NTRK3: variants seen among roughly 807,000 people sequenced by gnomAD.
NTRK3 encodes neurotrophic receptor tyrosine kinase 3.
In NTRK3, 24 loss-of-function variants were observed where a neutral mutation model predicts 91.7. That is an observed-to-expected ratio of 0.26 (90% CI 0.19 to 0.37). NTRK3 has a LOEUF of 0.37. Among genes scored for constraint, NTRK3 ranks in the 10% least tolerant of loss-of-function variants. NTRK3 has a pLI of 1.00. For missense variants in NTRK3, 880 were observed against 1,068.9 expected (o/e 0.82, Z 2.46); for synonymous variants, 483 against 404.0 (o/e 1.20, Z -2.34).
chr15:88,144,677 C>T (rs542592712), intron 6 of NTRK3, among the ~76,000 whole-genome samples: 2 of 152,084 alleles, frequency 1.3e-5, no homozygotes, highest in Admixed American at 6.5e-5. Flanking sequence ...TTAACTTAGC[C>T]GAGCCTCAAA....
intron 14 of NTRK3, among the ~76,000 whole-genome samples, chr15:87,983,987 G>A (rs1567184761): frequency 2.0e-5 from 3 of 152,224 alleles, no homozygotes; most frequent in African/African-American, 4.8e-5. Context: ...CACTTCGCAT[G>A]CACTGGGACC....
exon 1 of NTRK3, chr15:88,256,713 C>T (rs2054087659): frequency 2.7e-6 from 1 of 368,962 alleles, no homozygotes; most frequent in Non-Finnish European, 4.8e-6. Flanking sequence ...AATGGCTCGC[C>T]GCGCGGCTGC....
chr15:88,053,504 T>G (rs34443447), intron 13 of NTRK3, among the ~76,000 whole-genome samples: 58,693 of 151,990 alleles, frequency 0.39, 11,730 homozygotes, highest in African/African-American at 0.49. Flanking sequence ...ACAAGAGCAA[T>G]CTGACCATGG....
chr15:88,184,225 A>C, exon 4 of NTRK3: 2 of 1,614,096 alleles, frequency 1.2e-6, no homozygotes, highest in Non-Finnish European at 1.7e-6. Flanking sequence ...GTGTACTCAC[A>C]GCTTTTGAAG....
intron 14 of NTRK3, among the ~76,000 whole-genome samples, chr15:87,998,152 G>A (rs553759186): frequency 6.6e-5 from 10 of 152,244 alleles, no homozygotes; most frequent in Admixed American, 1.3e-4. Context: ...ACCCCATTGT[G>A]ATCATCGAAA....
At chr15:88,137,497 G>C (rs2041990405) in exon 7 of NTRK3, 1 of 1,614,164 alleles carries the variant, frequency 6.2e-7, no homozygotes, top group Non-Finnish European at 8.5e-7. Context: ...GCCTCCCCCT[G>C]CTCCTGCCAG....
chr15:88,032,688 T>G (rs1449854003), intron 14 of NTRK3, among the ~76,000 whole-genome samples, 169 bp downstream of exon 14: 1 of 152,120 alleles, frequency 6.6e-6, no homozygotes, highest in Admixed American at 6.5e-5. Flanking sequence ...CGGGGACTCC[T>G]GGCTCAGGCT....
At chr15:88,013,168 A>C (rs2077000889) in intron 14 of NTRK3, among the ~76,000 whole-genome samples, 1 of 139,764 alleles carries the variant, frequency 7.2e-6, no homozygotes, top group Admixed American at 7.2e-5. Flanking sequence ...GAAACCGTGC[A>C]CTGGTAAAGA....
rs370691172 is a variant in NTRK3 at position 88,240,938 on chromosome 15, T to C, written c.248+14968A>G. 2.4e-4 allele frequency among the ~76,000 whole-genome samples: 37 copies of C among 152,338 alleles called. No individual in the cohort carries two copies. The East Asian group carries it at 3.3e-3, about 14-fold the overall frequency. On this transcript the variant is annotated intron_variant, in intron 3 of 18. Coordinates refer to ENST00000394480, the Ensembl canonical transcript of NTRK3. The surrounding 1 kb of genome is among the most constrained non-coding windows in gnomAD (Gnocchi z 4.9). ...GCCCAGCATTCTGCATGGAGGCATG[T>C]GTGCCCTCAGCAAGCTGGGAGGGTT...
intron 5 of NTRK3, among the ~76,000 whole-genome samples, chr15:88,176,267 G>T (rs2045987167): frequency 6.6e-6 from 1 of 151,058 alleles, no homozygotes; most frequent in Non-Finnish European, 1.5e-5. Flanking sequence ...CTCCTGAGTA[G>T]TTGGGACTAC....
chr15:88,104,157 G>C lies in NTRK3; in HGVS notation c.1396+22114C>G, dbSNP rs534428948. On this transcript the variant is annotated intron_variant, in intron 13 of 18. Transcript: ENST00000394480. ...TACTACAAATAACACTAAGTTACTG[G>C]TTTCAATATGACAAGGTGGATGAGA... Among the ~76,000 whole-genome samples the C allele has an allele frequency of 5.3e-5, 8 of 152,304 alleles. No individual in the cohort carries two copies. The South Asian group carries it at 1.7e-3, about 32-fold the overall frequency.
intron 5 of NTRK3, among the ~76,000 whole-genome samples, chr15:88,166,465 G>A (rs1433222465): frequency 2.6e-5 from 4 of 152,174 alleles, no homozygotes; most frequent in East Asian, 1.9e-4. Flanking sequence ...AAGGTGAGCC[G>A]GGGACTAGGG....
exon 19 of NTRK3, chr15:87,860,358 G>A (rs566104694): frequency 1.3e-4 from 29 of 218,856 alleles, no homozygotes; most frequent in African/African-American, 5.8e-4. Flanking sequence ...TTCTTTTGAG[G>A]TTGGGGAGAA....
At chr15:87,930,309 T>C (rs1271665945) in intron 16 of NTRK3, among the ~76,000 whole-genome samples, 1 of 152,152 alleles carries the variant, frequency 6.6e-6, no homozygotes, top group East Asian at 1.9e-4. Flanking sequence ...CACTCTTTTC[T>C]CTAGAAAGCC....
rs201324498 is a variant in NTRK3, at chr15:88,156,562, TCTC to T, written c.396-9162_396-9160del. Among the ~76,000 whole-genome samples the T allele has an allele frequency of 2.8e-3, 426 of 152,074 alleles. 3 individuals are homozygous for T. In the Middle Eastern group the frequency reaches 0.034, roughly 12 times the overall value. On this transcript the variant is annotated intron_variant, in intron 5 of 18. Transcript: ENST00000394480. ...CCCTTAGAGCTAGCTCCCTGGCACT[TCTC>T]CTGCTCCACACCACCGCACCTTTCA...
chr15:87,908,466 C>T (rs1216685918), intron 17 of NTRK3: 1 of 400,020 alleles, frequency 2.5e-6, no homozygotes, highest in East Asian at 3.6e-5. Flanking sequence ...CCCCCTGGCC[C>T]CAGAAATCAA....
chr15:87,953,767 G>A (rs528191100), intron 14 of NTRK3, among the ~76,000 whole-genome samples: 9 of 152,132 alleles, frequency 5.9e-5, no homozygotes, highest in Non-Finnish European at 8.8e-5. Context: ...TCAGCCTGGC[G>A]GACATTTCCT....
intron 17 of NTRK3, among the ~76,000 whole-genome samples, chr15:87,915,054 G>GTGAT (rs1313169043): frequency 1.3e-5 from 2 of 152,142 alleles, no homozygotes; most frequent in African/African-American, 4.8e-5. Context: ...GGTGATGATG[G>GTGAT]TGATGGTGGT....
In NTRK3 at chr15:88,255,862, C is replaced by T. The variant is rs751377455; in HGVS notation, c.248+44G>A. ...GCCGCGGGTGGGCAGGAGGGAGACG[C>T]AGAGCGCGGGGGAGGCAGGCTGGGG... On this transcript the variant is annotated intron_variant, in intron 3 of 18. Coordinates refer to ENST00000394480, the Ensembl canonical transcript of NTRK3. The surrounding 1 kb of genome is among the most constrained non-coding windows in gnomAD (Gnocchi z 4.3). 2.0e-5 allele frequency: 31 copies of T among 1,564,076 alleles called. No individual in the cohort carries two copies. The highest frequency in any genetic ancestry group is 7.0e-5 in the Admixed American group (4 of 57,544).
Sources: allele counts gnomAD v4.1 joint callset (sites outside exome capture counted in the v4.1 genomes callset), GRCh38; gene constraint gnomAD v4.1.1; non-coding constraint Gnocchi (gnomAD v3.1); transcripts MANE v1.5; gene names NCBI Gene and HGNC (gene_info 2026-07-23, HGNC 2026-07-21).